TMEM131L: variants seen among roughly 807,000 people sequenced by gnomAD.
TMEM131L encodes the protein transmembrane 131 like, also known as transmembrane protein 131-like.
In TMEM131L, 54 loss-of-function variants were observed where a neutral mutation model predicts 192.2. The ratio of observed to expected loss-of-function variants is 0.28; its 90% CI spans 0.23 to 0.35. The LOEUF is 0.35. TMEM131L is among the 10% of genes least tolerant of loss of function. The probability of loss-of-function intolerance (pLI) is 1.00; values close to 1 mark genes in which losing one functional copy is unlikely to be tolerated. For synonymous variants in TMEM131L, 701 were observed against 704.9 expected, an observed-to-expected ratio of 0.99 and a Z score of 0.09; for missense variants, 1,888 against 1,972.9, an observed-to-expected ratio of 0.96 and a Z score of 0.82.
intron 19 of TMEM131L, among the ~76,000 whole-genome samples, chr4:153,594,381 G>A (rs1731282989): frequency 6.6e-6 from 1 of 152,172 alleles, no homozygotes; most frequent in Non-Finnish European, 1.5e-5. Flanking sequence ...ATACTTAGGA[G>A]TAGGAGTAAA....
intron 2 of TMEM131L, among the ~76,000 whole-genome samples, chr4:153,472,591 A>C (rs1731236964): frequency 6.6e-6 from 1 of 152,168 alleles, no homozygotes; most frequent in African/African-American, 2.4e-5. Flanking sequence ...AAATGGAAGC[A>C]GAGAGATAGA....
chr4:153,501,943 G>GTTTTT (rs575832226), intron 3 of TMEM131L, among the ~76,000 whole-genome samples: 18 of 117,386 alleles, frequency 1.5e-4, no homozygotes, highest in African/African-American at 5.0e-4. Flanking sequence ...CCCCCAAAGG[G>GTTTTT]TTTTTTTTTT....
At chr4:153,602,774 A>T (rs1317839211) in intron 23 of TMEM131L, 47 bp downstream of exon 23, 1 of 1,564,662 alleles carries the variant, frequency 6.4e-7, no homozygotes, top group Non-Finnish European at 8.8e-7. Flanking sequence ...TAGAGAAGTC[A>T]TCCAGGCAAG....
intron 2 of TMEM131L, among the ~76,000 whole-genome samples, chr4:153,471,904 G>A (rs1177331909): frequency 6.6e-6 from 1 of 152,218 alleles, no homozygotes; most frequent in African/African-American, 2.4e-5. Context: ...AAGTCAGAGG[G>A]TGTAGATAAC....
Position 153,601,107 on chromosome 4 carries a change from C to CAA in TMEM131L, c.2267-1030_2267-1029dup, listed in dbSNP as rs397879528. On this transcript the variant is annotated intron_variant, in intron 21 of 34. Coordinates refer to ENST00000409959, the MANE Select transcript of TMEM131L (RefSeq NM_001131007.2). ...CCTGGGTGACAGAACAAGACTGTCT[C>CAA]AAAAAAAAAAAAAAAAGATTTGTTA... 2.9e-3 allele frequency among the ~76,000 whole-genome samples: 294 copies of CAA among 103,052 alleles called. 3 individuals are homozygous for CAA. Among genetic ancestry groups the CAA allele is most frequent in the African/African-American group, 6.4e-3 (163 of 25,582 alleles). 67.6% of individuals were successfully genotyped at this position (103,052 alleles called of 152,430 possible).
Position 153,524,131 on chromosome 4 carries a change from G to GT in TMEM131L, c.240-25922dup, listed in dbSNP as rs57178282. 6.1e-3 allele frequency among the ~76,000 whole-genome samples: 752 copies of GT among 122,690 alleles called. 13 individuals are homozygous for GT. The highest frequency in any genetic ancestry group is 0.014 in the South Asian group (54 of 3,848). 80.5% of individuals were successfully genotyped at this position (122,690 alleles called of 152,430 possible). On this transcript the variant is annotated intron_variant, in intron 3 of 34. Transcript: ENST00000409959. ...TCTGTCTTTCCCATGTTTCACTTCTGTTTTTTTTTTTTTTTTTTTTCCTGT... is the reference window on the plus strand; with the variant it reads ...TCTGTCTTTCCCATGTTTCACTTCTGTTTTTTTTTTTTTTTTTTTTTCCTGT...
At chr4:153,574,918 T>C (rs1729834776) in intron 7 of TMEM131L, among the ~76,000 whole-genome samples, 1 of 152,186 alleles carries the variant, frequency 6.6e-6, no homozygotes, top group African/African-American at 2.4e-5. Context: ...CTTCTAATAT[T>C]TAGCATTCAA....
At chr4:153,591,799 T>C (rs1454210023) in intron 17 of TMEM131L, among the ~76,000 whole-genome samples, 1 of 152,226 alleles carries the variant, frequency 6.6e-6, no homozygotes, top group African/African-American at 2.4e-5. Flanking sequence ...TAACTTTTTA[T>C]TTTTAAATGA....
At chr4:153,628,512 G>A (rs986728597) in intron 31 of TMEM131L, among the ~76,000 whole-genome samples, 1 of 152,136 alleles carries the variant, frequency 6.6e-6, no homozygotes, top group Non-Finnish European at 1.5e-5. Flanking sequence ...TTTAAAAGCT[G>A]CTCTGCACAT....
chr4:153,479,044 G>A (rs1165699784), intron 3 of TMEM131L, among the ~76,000 whole-genome samples: 1 of 152,138 alleles, frequency 6.6e-6, no homozygotes, highest in African/African-American at 2.4e-5. Flanking sequence ...TAAAGGAAGC[G>A]CTGATGTCTA....
intron 24 of TMEM131L, 110 bp from the exon 25 acceptor site, chr4:153,603,692 A>G: frequency 1.6e-6 from 2 of 1,262,638 alleles, no homozygotes; most frequent in Non-Finnish European, 2.2e-6. Context: ...AGGGAAGGTA[A>G]AACTTACACT....
chr4:153,582,441 T>TTC (rs1193236642), intron 9 of TMEM131L, among the ~76,000 whole-genome samples: 5 of 136,106 alleles, frequency 3.7e-5, no homozygotes, highest in Non-Finnish European at 6.3e-5. Context: ...TTGTTTTTTT[T>TTC]TTTTTTTTTT....
intron 31 of TMEM131L, chr4:153,632,243 G>A (rs1720012324): frequency 6.3e-6 from 1 of 159,296 alleles, no homozygotes; most frequent in African/African-American, 2.4e-5. Flanking sequence ...AACCTGGGAG[G>A]TAGAGGTTGC....
chr4:153,612,829 A>T (rs749616234), intron 26 of TMEM131L, among the ~76,000 whole-genome samples: 6 of 152,164 alleles, frequency 3.9e-5, no homozygotes, highest in Non-Finnish European at 5.9e-5. Flanking sequence ...TAATAGAAGA[A>T]AATTTTCCTG....
chr4:153,629,175 T>C (rs1734048016), intron 31 of TMEM131L, among the ~76,000 whole-genome samples: 1 of 152,204 alleles, frequency 6.6e-6, no homozygotes, highest in Admixed American at 6.5e-5. Flanking sequence ...CCACTTCACA[T>C]AGTGCCTGTG....
chr4:153,477,587 C>T lies in TMEM131L; in HGVS notation c.239+3699C>T, dbSNP rs904249411. Among the ~76,000 whole-genome samples, 40 of 151,586 alleles carry T rather than the reference C, an allele frequency of 2.6e-4. 1 individual carries two copies. Among genetic ancestry groups the T allele is most frequent in the Admixed American group, 4.6e-4 (7 of 15,152 alleles). On this transcript the variant is annotated intron_variant, in intron 3 of 34. Transcript: ENST00000409959. ...TGAGGGAGAACAGTGTCCTTTTTGA[C>T]GATGACTTATATAAAAAAAAAATTT... is the stretch of plus-strand genomic sequence containing the variant.
At chr4:153,563,417 TC>T (rs1226360298) in intron 7 of TMEM131L, among the ~76,000 whole-genome samples, 3 of 147,856 alleles carry the variant, frequency 2.0e-5, no homozygotes, top group African/African-American at 7.4e-5. Context: ...CAAAATTCAA[TC>T]ATGAGAAAGG....
At chr4:153,594,137 A>G (rs997940918) in intron 19 of TMEM131L, among the ~76,000 whole-genome samples, 1 of 152,214 alleles carries the variant, frequency 6.6e-6, no homozygotes, top group Non-Finnish European at 1.5e-5. Context: ...AGCTTTGTAG[A>G]AAACCATGAA....
intron 7 of TMEM131L, among the ~76,000 whole-genome samples, chr4:153,576,023 G>A (rs923265295): frequency 5.3e-4 from 81 of 151,530 alleles, no homozygotes; most frequent in African/African-American, 1.7e-3. Context: ...GCAGTGGCCC[G>A]ATCTCGGCTC....
Sources: gnomAD v4.1 joint callset for allele counts (sites outside exome capture counted in the v4.1 genomes callset) on GRCh38, gnomAD v4.1.1 for gene constraint, MANE v1.5 for transcripts, NCBI Gene and HGNC (gene_info 2026-07-23, HGNC 2026-07-21) for gene names.